The following UGGT1 variants were observed in gnomAD, a reference collection of about 807,000 sequenced individuals.
UGGT1 encodes UDP-glucose:glycoprotein glucosyltransferase 1.
UGGT1 carries 107 observed loss-of-function variants against 203.9 expected under a neutral mutation model. The observed-to-expected ratio is 0.52, with a 90% confidence interval of 0.45 to 0.62. The LOEUF (loss-of-function observed/expected upper bound fraction) is 0.62. Ranked by LOEUF, UGGT1 falls within the 20% of genes least tolerant of loss-of-function variation. The pLI is 0.00. For missense variants in UGGT1, 1,673 were observed against 1,867.2 expected, an observed-to-expected ratio of 0.90 and a Z score of 1.92; for synonymous variants, 628 against 653.5, an observed-to-expected ratio of 0.96 and a Z score of 0.59.
At position 128,186,622 on chromosome 2, in the gene UGGT1, A is replaced by G. The variant is rs377055515; in HGVS notation, c.4360-61A>G. On this transcript the variant is annotated intron_variant, in intron 38 of 40. Coordinates refer to ENST00000259253, the MANE Select transcript of UGGT1 (RefSeq NM_020120.4). ...ACCCCATCTCTCAATAAATAAATAA[A>G]TAAATATCGCCAGAACTTTAGATAC... The G allele has an allele frequency of 4.6e-4, 641 of 1,401,258 alleles. 4 individuals are homozygous for G. In the African/African-American group the frequency reaches 7.5e-3, roughly 16 times the overall value. 86.8% of individuals were successfully genotyped at this position (1,401,258 alleles called of 1,614,324 possible). A position where few individuals can be genotyped will look rare whatever the true frequency, so the allele number is the denominator to read the frequency against.
At chr2:128,138,672 G>A in intron 15 of UGGT1, 45 bp from the exon 16 acceptor site, 1 of 1,595,562 alleles carries the variant, frequency 6.3e-7, no homozygotes, top group South Asian at 1.1e-5. Flanking sequence ...TTAACCATTT[G>A]CATTCTTTGA....
intron 3 of UGGT1, among the ~76,000 whole-genome samples, chr2:128,105,725 C>T (rs951998298): frequency 1.3e-5 from 2 of 151,866 alleles, no homozygotes; most frequent in Non-Finnish European, 2.9e-5. Flanking sequence ...ATGCTGGCCA[C>T]GCTGGTCTCA....
intron 13 of UGGT1, among the ~76,000 whole-genome samples, chr2:128,132,281 C>T (rs1558778341): frequency 2.0e-5 from 3 of 150,742 alleles, no homozygotes; most frequent in Non-Finnish European, 4.4e-5. Flanking sequence ...GGTGCTGTGG[C>T]TCACACCTGT....
rs1692193789 is a variant in UGGT1 at position 128,190,297 on chromosome 2, A to G, written c.*555A>G. On this transcript the variant is annotated 3_prime_UTR_variant, in exon 41 of 41. Transcript: ENST00000259253. ...TGCATTGTTTAATTGAAATCCAACCAACAATTGTGTGTCAAGGCTGGTTTG... is the reference window on the plus strand; with the variant it reads ...TGCATTGTTTAATTGAAATCCAACCGACAATTGTGTGTCAAGGCTGGTTTG... 6.6e-6 allele frequency: 1 copy of G among 152,416 alleles called. No homozygotes were observed. Among genetic ancestry groups the G allele is most frequent in the Admixed American group, 6.5e-5 (1 of 15,288 alleles). 9.4% of individuals were successfully genotyped at this position (152,416 alleles called of 1,614,324 possible).
At chr2:128,184,059 A>G (rs1010407400) in intron 38 of UGGT1, among the ~76,000 whole-genome samples, 2 of 152,092 alleles carry the variant, frequency 1.3e-5, no homozygotes, top group South Asian at 4.1e-4. Flanking sequence ...TCTCTGAACC[A>G]TTAGCATATC....
At position 128,133,343 on chromosome 2, in the gene UGGT1, T is replaced by C. The variant is rs917199276; in HGVS notation, c.1497+83T>C. ...TTTTTTGTCATGTAGAATGGTCACT[T>C]CTCACCTTTACTAGCTGCTTCCTCC... On this transcript the variant is annotated intron_variant, in intron 14 of 40. Coordinates refer to ENST00000259253, the MANE Select transcript of UGGT1 (RefSeq NM_020120.4). 8 of 1,541,306 alleles carry C rather than the reference T, an allele frequency of 5.2e-6. No individual in the cohort carries two copies. In the African/African-American group the frequency reaches 8.2e-5, roughly 16 times the overall value.
chr2:128,169,048 TAAAAAAAAAAAAAAAAAAAAA>T (rs544381740), intron 26 of UGGT1, among the ~76,000 whole-genome samples: 1,008 of 52,564 alleles, frequency 0.019, 38 homozygotes, highest in African/African-American at 0.095. Flanking sequence ...ACTCTGTCTT[TAAAAAAAAAAAAAAAAAAAAA>T]AAAAAAAAAA....
chr2:128,190,120 C>T lies in UGGT1; in HGVS notation c.*378C>T. 5.4e-6 allele frequency: 1 copy of T among 183,844 alleles called. No individual in the cohort carries two copies. Among genetic ancestry groups the T allele is most frequent in the Non-Finnish European group, 1.2e-5 (1 of 86,684 alleles). 11.4% of individuals were successfully genotyped at this position (183,844 alleles called of 1,614,324 possible). On this transcript the variant is annotated 3_prime_UTR_variant, in exon 41 of 41. Transcript: ENST00000259253. ...GGCCAGCTAGAGCCACCATGTTCTT[C>T]CTTACCTCAGTTTACCTGCGGCCTG...
At chr2:128,185,009 C>G (rs913878560) in intron 38 of UGGT1, among the ~76,000 whole-genome samples, 1 of 151,984 alleles carries the variant, frequency 6.6e-6, no homozygotes, top group Admixed American at 6.6e-5. Flanking sequence ...TGTGTGATAC[C>G]TGGTATCTTC....
chr2:128,114,945 T>C (rs181498641), intron 6 of UGGT1, among the ~76,000 whole-genome samples, 179 bp from the exon 7 acceptor site: 206 of 152,338 alleles, frequency 1.4e-3, no homozygotes, highest in African/African-American at 4.7e-3. Context: ...ACTAAAAAAA[T>C]TTGTTTAGTG....
chr2:128,127,303 TA>T, intron 11 of UGGT1, 57 bp from the exon 12 acceptor site: 1 of 1,270,286 alleles, frequency 7.9e-7, no homozygotes, highest in South Asian at 1.3e-5. Context: ...CCAGAAACAA[TA>T]AAATTTTTTT....
At chr2:128,093,383 G>T (rs1686961617) in intron 1 of UGGT1, among the ~76,000 whole-genome samples, 1 of 152,082 alleles carries the variant, frequency 6.6e-6, no homozygotes, top group African/African-American at 2.4e-5. Flanking sequence ...CATTTTGAGA[G>T]CCTTCTATGT....
intron 26 of UGGT1, among the ~76,000 whole-genome samples, chr2:128,165,913 C>T (rs1690769456): frequency 6.6e-6 from 1 of 152,100 alleles, no homozygotes; most frequent in Admixed American, 6.5e-5. Context: ...AGGCGCTTGC[C>T]ACCATGCCTG....
In UGGT1 at chr2:128,145,884, C is replaced by T; in HGVS notation, c.1933C>T (p.Gln645Ter). 6.2e-7 allele frequency: 1 copy of T among 1,614,060 alleles called. No homozygotes were observed. The highest frequency in any genetic ancestry group is 8.5e-7 in the Non-Finnish European group (1 of 1,179,958). Residue 645 changes from glutamine to a stop codon, truncating the protein, a stop_gained, in exon 18 of 41, where the codon CAG (glutamine) becomes TAG (stop). Coordinates refer to ENST00000259253, the MANE Select transcript of UGGT1 (RefSeq NM_020120.4). LOFTEE classifies it high-confidence loss of function. The stretch of plus-strand genomic sequence containing the variant: ...CAATGGAATGCCCTTTGAAAGGGAA[C>T]AGCTAGACCCTGATGAGTTAGAAAC... ...LFNGMPFEREQLDPDELETIT... is the reference protein window; with the variant it reads ...LFNGMPFERE
Position 128,180,899 on chromosome 2 carries a change from C to T in UGGT1, c.3910C>T (p.Pro1304Ser), listed in dbSNP as rs767546136. 14 of 1,612,874 alleles carry T rather than the reference C, an allele frequency of 8.7e-6. No homozygotes were observed. Among genetic ancestry groups the T allele is most frequent in the Non-Finnish European group, 1.2e-5 (14 of 1,179,570 alleles). ...CCATGTCTAAAAATAGGAGTTTATA[C>T]CTTACATGGCAAATGAATACAATTT... ...YLSPTFKEFI[P>S]YMANEYNFQY... Residue 1304 changes from proline (P) to serine (S), a missense_variant, in exon 36 of 41, where the codon CCT becomes TCT. By Grantham distance (74) the Pro-to-Ser change is moderately conservative. This residue lies in a region of UGGT1 where 513 missense variants were observed against 684.1 expected (regional missense o/e 0.75). Coordinates refer to ENST00000259253, the MANE Select transcript of UGGT1 (RefSeq NM_020120.4).
Position 128,193,953 on chromosome 2 carries a change from G to T in UGGT1, c.*4211G>T, listed in dbSNP as rs1692399038. On this transcript the variant is annotated 3_prime_UTR_variant, in exon 41 of 41. Transcript: ENST00000259253. Reference sequence around the variant, plus strand: ...GGGAATTGTAGTCTTTTTCTGAATAGAATATTAGTACTGTGGTATTGCATT... The same window carrying T: ...GGGAATTGTAGTCTTTTTCTGAATATAATATTAGTACTGTGGTATTGCATT... The T allele has an allele frequency of 6.6e-6, 1 of 152,212 alleles. No homozygotes were observed. The highest frequency in any genetic ancestry group is 2.1e-4 in the South Asian group (1 of 4,834). The allele number at this position is 152,212 out of a possible 1,614,324, so 9.4% of individuals were successfully genotyped here.
chr2:128,114,559 G>C (rs1269241683), intron 6 of UGGT1, among the ~76,000 whole-genome samples: 1 of 152,156 alleles, frequency 6.6e-6, no homozygotes, highest in Non-Finnish European at 1.5e-5. Flanking sequence ...TGGTGAGCCT[G>C]TGACATCTGG....
At chr2:128,158,179 A>C (rs141332380) in intron 22 of UGGT1, among the ~76,000 whole-genome samples, 4 of 152,214 alleles carry the variant, frequency 2.6e-5, no homozygotes, top group African/African-American at 9.6e-5. Context: ...TTCAAATGGT[A>C]GTAGGGTAGG....
chr2:128,117,542 T>C (rs1688165401), intron 8 of UGGT1, among the ~76,000 whole-genome samples: 1 of 98,514 alleles, frequency 1.0e-5, no homozygotes, highest in Non-Finnish European at 2.1e-5. Flanking sequence ...TCTTAACTGT[T>C]ATTCTTTTTT....
Sources: gnomAD v4.1 joint callset for allele counts (sites outside exome capture counted in the v4.1 genomes callset) on GRCh38, gnomAD v4.1.1 for gene constraint, gnomAD v4.1.1 regional missense constraint, MANE v1.5 for transcripts, NCBI Gene and HGNC (gene_info 2026-07-23, HGNC 2026-07-21) for gene names.